The following SLC2A14 variants were observed in gnomAD, a reference collection of about 807,000 sequenced individuals.
SLC2A14 encodes solute carrier family 2, facilitated glucose transporter member 14.
A neutral mutation model predicts 43.0 loss-of-function variants in SLC2A14; 13 were observed. The observed-to-expected ratio is 0.30, with a 90% CI of 0.20 to 0.48. SLC2A14 has a LOEUF of 0.48. Among genes scored for constraint, SLC2A14 ranks in the 20% least tolerant of loss-of-function variants. The probability of loss-of-function intolerance (pLI) is 0.99; values close to 1 mark genes in which losing one functional copy is unlikely to be tolerated. For missense variants in SLC2A14, 428 were observed against 620.4 expected (o/e 0.69, Z 3.29); for synonymous variants, 190 against 233.8 (o/e 0.81, Z 1.71).
intron 2 of SLC2A14, among the ~76,000 whole-genome samples, chr12:7,863,185 CCG>C (rs199717301): frequency 0.4 from 60,268 of 151,954 alleles, 12,160 homozygotes; most frequent in East Asian, 0.56. Flanking sequence ...TACGAGGCCA[CCG>C]GAAGGAACGA....
intron 10 of SLC2A14, among the ~76,000 whole-genome samples, chr12:7,817,179 G>C (rs181122324): frequency 6.6e-6 from 1 of 151,436 alleles, no homozygotes; most frequent in Non-Finnish European, 1.5e-5. Flanking sequence ...GCAATGGCCC[G>C]ATCTCAGCTC....
intron 7 of SLC2A14, among the ~76,000 whole-genome samples, chr12:7,826,381 C>G (rs934962134): frequency 5.3e-5 from 8 of 152,104 alleles, no homozygotes; most frequent in African/African-American, 1.9e-4. Context: ...AAAACAGCTT[C>G]TAACCCCTCA....
chr12:7,818,164 A>G, intron 9 of SLC2A14, 130 bp from the exon 10 acceptor site: 3 of 813,524 alleles, frequency 3.7e-6, no homozygotes, highest in Non-Finnish European at 5.7e-6. Flanking sequence ...GTGGAATCAA[A>G]AGGCTTGGAT....
At chr12:7,832,179 G>A (rs1394951210) in intron 3 of SLC2A14, among the ~76,000 whole-genome samples, 3 of 152,146 alleles carry the variant, frequency 2.0e-5, no homozygotes, top group Non-Finnish European at 2.9e-5. Flanking sequence ...ATAAATAGAC[G>A]GGAATTGAAG....
intron 1 of SLC2A14, among the ~76,000 whole-genome samples, chr12:7,870,261 C>T (rs1049184145): frequency 6.6e-6 from 1 of 152,074 alleles, no homozygotes; most frequent in Admixed American, 6.6e-5. Flanking sequence ...TCCCCATCTG[C>T]AAAATGAGCA....
chr12:7,828,089 C>G (rs138652748), intron 6 of SLC2A14, among the ~76,000 whole-genome samples: 34 of 151,538 alleles, frequency 2.2e-4, no homozygotes. Flanking sequence ...ATGGGTTGGG[C>G]GCGGTGGCTC....
intron 1 of SLC2A14, chr12:7,871,158 T>C: frequency 7.8e-7 from 1 of 1,280,158 alleles, no homozygotes; most frequent in East Asian, 4.1e-5. Context: ...ACCCCCAGGA[T>C]GTGATCCAAA....
At position 7,832,833 on chromosome 12, in the gene SLC2A14, G is replaced by A. The variant is rs1174267590; in HGVS notation, c.19-19C>T. The A allele has an allele frequency of 3.1e-6, 5 of 1,610,822 alleles. No individual in the cohort carries two copies. The highest frequency in any genetic ancestry group is 4.2e-6 in the Non-Finnish European group (5 of 1,177,224). ...GGGTGACCTGGAGAGACAGAGGACAGGGAGGAGAGAATAGTCCTTAAAACT... is the reference window on the plus strand; with the variant it reads ...GGGTGACCTGGAGAGACAGAGGACAAGGAGGAGAGAATAGTCCTTAAAACT... On this transcript the variant is annotated intron_variant, in intron 2 of 10. Transcript: ENST00000431042.
rs1413235853 is a variant in SLC2A14, at chr12:7,826,889, C to CTT, written c.864+604_864+605dup. On this transcript the variant is annotated intron_variant, in intron 7 of 10. Coordinates refer to ENST00000431042, the MANE Select transcript of SLC2A14 (RefSeq NM_001286234.2). ...TCTTTCTTTCTTTCTTTCTTTCTTT[C>CTT]TTTCTTTCTTTCTTTCTTTCTTTCT... is the stretch of plus-strand genomic sequence containing the variant. Among the ~76,000 whole-genome samples the CTT allele has an allele frequency of 9.5e-5, 6 of 62,978 alleles. 1 individual carries two copies. Among genetic ancestry groups the CTT allele is most frequent in the African/African-American group, 3.9e-4 (5 of 12,946 alleles). 41.3% of individuals were successfully genotyped at this position (62,978 alleles called of 152,430 possible).
At chr12:7,875,173 T>TAA (rs1156426327), upstream of SLC2A14, among the ~76,000 whole-genome samples, 40 of 12,574 alleles carry the variant, frequency 3.2e-3, no homozygotes, top group South Asian at 0.091. Flanking sequence ...TATATTTAAT[T>TAA]ATATATAATA....
At chr12:7,887,583 A>AGAT (rs1945708672) in intron 1 of SLC2A14, among the ~76,000 whole-genome samples, 1 of 147,670 alleles carries the variant, frequency 6.8e-6, no homozygotes, top group Non-Finnish European at 1.5e-5. Context: ...ATAGATAGAT[A>AGAT]GATAGATAGA....
intron 2 of SLC2A14, among the ~76,000 whole-genome samples, chr12:7,846,025 C>G (rs991536791): frequency 8.3e-5 from 12 of 143,908 alleles, no homozygotes; most frequent in Non-Finnish European, 1.5e-4. Context: ...CCTGGGAGGT[C>G]GAGGCTGCAG....
chr12:7,850,453 T>C (rs1446266744), intron 2 of SLC2A14, among the ~76,000 whole-genome samples: 3 of 152,116 alleles, frequency 2.0e-5, no homozygotes, highest in Admixed American at 6.5e-5. Flanking sequence ...TGGAGTGCAG[T>C]GGTGTGATCT....
chr12:7,858,293 C>T (rs1225701064), intron 2 of SLC2A14, among the ~76,000 whole-genome samples: 2 of 152,130 alleles, frequency 1.3e-5, no homozygotes, highest in Non-Finnish European at 2.9e-5. Flanking sequence ...AGCCTTCTTA[C>T]TCAACCACTC....
chr12:7,845,443 C>T (rs925924190), intron 2 of SLC2A14, among the ~76,000 whole-genome samples: 1 of 152,080 alleles, frequency 6.6e-6, no homozygotes, highest in African/African-American at 2.4e-5. Flanking sequence ...AAATTGTGGT[C>T]CGGGGACCAG....
At chr12:7,888,000 G>T (rs1369997429) in intron 1 of SLC2A14, among the ~76,000 whole-genome samples, 1 of 152,058 alleles carries the variant, frequency 6.6e-6, no homozygotes, top group Non-Finnish European at 1.5e-5. Flanking sequence ...GCCTCCTTGG[G>T]TTCTCCCACA....
chr12:7,834,963 C>T lies in SLC2A14; in HGVS notation c.19-2149G>A, dbSNP rs778666207. Among the ~76,000 whole-genome samples the T allele has an allele frequency of 2.0e-5, 3 of 152,002 alleles. No individual in the cohort carries two copies. In the South Asian group the frequency reaches 6.2e-4, roughly 32 times the overall value. ...GTCTTCAGTGTACTTTGGGAGGAGCCTGGCTCAGTCACAGTCACAGCTCTG... is the reference window on the plus strand; with the variant it reads ...GTCTTCAGTGTACTTTGGGAGGAGCTTGGCTCAGTCACAGTCACAGCTCTG... On this transcript the variant is annotated intron_variant, in intron 2 of 10. Coordinates refer to ENST00000431042, the MANE Select transcript of SLC2A14 (RefSeq NM_001286234.2).
intron 2 of SLC2A14, among the ~76,000 whole-genome samples, chr12:7,868,160 C>T (rs1219137989): frequency 6.6e-6 from 1 of 152,142 alleles, no homozygotes; most frequent in Non-Finnish European, 1.5e-5. Context: ...AACCACAACC[C>T]TGATCAGTCG....
chr12:7,821,296 C>T lies in SLC2A14; in HGVS notation c.894G>A (p.Lys298=). 1.2e-6 allele frequency: 2 copies of T among 1,613,790 alleles called. No homozygotes were observed. Among genetic ancestry groups the T allele is most frequent in the Non-Finnish European group, 1.7e-6 (2 of 1,179,822 alleles). ...AVFYYSTGIF[K]DAGVQQPIYA... ...AGATGGGCTGTTGAACACCTGCATC[C>T]TTGAAGATTCCTGTTGAGTAATAGA... The change falls in exon 8 of 11, where the codon AAG becomes AAA. Residue 298 remains lysine (K), a synonymous_variant. Transcript: ENST00000431042.
Sources: gnomAD v4.1 joint callset for allele counts (sites outside exome capture counted in the v4.1 genomes callset) on GRCh38, gnomAD v4.1.1 for gene constraint, MANE v1.5 for transcripts, NCBI Gene and HGNC (gene_info 2026-07-23, HGNC 2026-07-21) for gene names.